The following SPOCK1 variants were observed in gnomAD, a reference collection of about 807,000 sequenced individuals.
The protein encoded by SPOCK1 is testican-1.
A neutral mutation model predicts 55.3 loss-of-function variants in SPOCK1; 23 were observed. The observed-to-expected ratio is 0.42, with a 90% CI of 0.30 to 0.59. The LOEUF is 0.59. Ranked by LOEUF, SPOCK1 falls within the 20% of genes least tolerant of loss-of-function variation. The pLI, the probability that SPOCK1 is intolerant of heterozygous loss-of-function variation, is 0.22. For synonymous variants in SPOCK1, 226 were observed against 221.0 expected (o/e 1.02, Z -0.20); for missense variants, 499 against 552.5 (o/e 0.90, Z 0.97).
intron 2 of SPOCK1, among the ~76,000 whole-genome samples, chr5:137,387,001 AC>A (rs1751612162): frequency 6.6e-6 from 1 of 152,246 alleles, no homozygotes; most frequent in Admixed American, 6.5e-5. Context: ...TAAGTCAAAG[AC>A]CTTAACAGAC....
chr5:136,979,807 A>T (rs998965096), intron 9 of SPOCK1, among the ~76,000 whole-genome samples: 5 of 152,200 alleles, frequency 3.3e-5, no homozygotes, highest in Non-Finnish European at 1.5e-5. Flanking sequence ...CAACTCTAAG[A>T]GATACATACC....
At chr5:137,296,628 T>A (rs1391214354) in intron 2 of SPOCK1, among the ~76,000 whole-genome samples, 1 of 152,174 alleles carries the variant, frequency 6.6e-6, no homozygotes, top group Non-Finnish European at 1.5e-5. Context: ...GCAGGCCTCA[T>A]AAGTAAATAG....
At chr5:137,498,348 A>T in intron 2 of SPOCK1, 25 bp downstream of exon 2, 1 of 1,541,884 alleles carries the variant, frequency 6.5e-7, no homozygotes. Context: ...CGCGCCCCCC[A>T]GGGCCGGGTG....
chr5:137,442,762 T>G lies in SPOCK1; in HGVS notation c.186+55611A>C, dbSNP rs186596326. Among the ~76,000 whole-genome samples, 4 of 152,322 alleles carry G rather than the reference T, an allele frequency of 2.6e-5. No individual in the cohort carries two copies. The East Asian group carries it at 7.7e-4, about 29-fold the overall frequency. On this transcript the variant is annotated intron_variant, in intron 2 of 10. Transcript: ENST00000394945. ...AAACAACAGAAATAATTATAGTAGATCCTCTGTGCCTTGTGCCCAACAGAA... is the reference window on the plus strand; with the variant it reads ...AAACAACAGAAATAATTATAGTAGAGCCTCTGTGCCTTGTGCCCAACAGAA...
At chr5:137,024,317 G>GGC (rs1554093470) in intron 6 of SPOCK1, among the ~76,000 whole-genome samples, 2 of 89,160 alleles carry the variant, frequency 2.2e-5, no homozygotes, top group African/African-American at 6.4e-5. Flanking sequence ...AGTTTGAAGG[G>GGC]GGGGGGGTAG....
intron 2 of SPOCK1, among the ~76,000 whole-genome samples, chr5:137,440,224 G>A (rs369584676): frequency 3.8e-4 from 58 of 152,254 alleles, no homozygotes; most frequent in African/African-American, 1.3e-3. Context: ...TTACATTTAT[G>A]TATTTGTGTA....
At chr5:137,183,459 C>G (rs1192852158) in intron 3 of SPOCK1, among the ~76,000 whole-genome samples, 1 of 152,214 alleles carries the variant, frequency 6.6e-6, no homozygotes, top group African/African-American at 2.4e-5. Context: ...AAGGAAATAA[C>G]AGTGTAAGTG....
intron 6 of SPOCK1, among the ~76,000 whole-genome samples, chr5:137,026,532 G>A (rs1426107481): frequency 6.6e-6 from 1 of 152,220 alleles, no homozygotes. Flanking sequence ...AGCTCACCCT[G>A]CAGATGTTGG....
At chr5:137,250,753 T>C (rs1192094477) in intron 3 of SPOCK1, among the ~76,000 whole-genome samples, 1 of 152,166 alleles carries the variant, frequency 6.6e-6, no homozygotes, top group Non-Finnish European at 1.5e-5. Context: ...AGGCACATCA[T>C]AAGAGGGAGT....
At chr5:137,431,403 A>G (rs1752740251) in intron 2 of SPOCK1, among the ~76,000 whole-genome samples, 1 of 152,244 alleles carries the variant, frequency 6.6e-6, no homozygotes, top group South Asian at 2.1e-4. Context: ...TCCATCTTCC[A>G]TGAAATGAAC....
chr5:137,498,714 C>G, intron 1 of SPOCK1, 156 bp from the exon 2 acceptor site: 1 of 400,604 alleles, frequency 2.5e-6, no homozygotes, highest in Non-Finnish European at 3.7e-6. Context: ...GCCTCTAGAC[C>G]CAGGGACCCC....
At chr5:137,149,330 A>T (rs1373546666) in intron 3 of SPOCK1, among the ~76,000 whole-genome samples, 1 of 152,204 alleles carries the variant, frequency 6.6e-6, no homozygotes, top group Non-Finnish European at 1.5e-5. Context: ...TCCACAGAGA[A>T]GTCTTCACCT....
At chr5:137,011,052 C>T (rs893395635) in intron 6 of SPOCK1, among the ~76,000 whole-genome samples, 16 of 152,136 alleles carry the variant, frequency 1.1e-4, no homozygotes, top group African/African-American at 2.4e-4. Flanking sequence ...AACCATGGAA[C>T]GCTGCTTACA....
At chr5:137,390,328 G>T (rs1343668887) in intron 2 of SPOCK1, among the ~76,000 whole-genome samples, 1 of 152,146 alleles carries the variant, frequency 6.6e-6, no homozygotes, top group Non-Finnish European at 1.5e-5. Context: ...CTAATGCAAT[G>T]ACCCCTGGGA....
intron 2 of SPOCK1, among the ~76,000 whole-genome samples, chr5:137,299,654 A>G (rs556418376): frequency 6.6e-6 from 1 of 152,100 alleles, no homozygotes; most frequent in South Asian, 2.1e-4. Context: ...ATTTTTGCAT[A>G]ATGCAGATTT....
chr5:137,132,020 A>ATATATATATATATATATATATATATATAT (rs1491415264), intron 4 of SPOCK1, among the ~76,000 whole-genome samples: 1 of 84,278 alleles, frequency 1.2e-5, no homozygotes, highest in Non-Finnish European at 2.4e-5. Context: ...ATATATATAT[A>ATATATATATATATATATATATATATATAT]AAAAATTAGC....
At chr5:137,106,659 C>G (rs1753375632) in intron 5 of SPOCK1, among the ~76,000 whole-genome samples, 1 of 152,144 alleles carries the variant, frequency 6.6e-6, no homozygotes, top group African/African-American at 2.4e-5. Context: ...ACACCAGGCC[C>G]AGATGATTCC....
chr5:137,011,015 ATCTGTG>A (rs1751337647), intron 6 of SPOCK1, among the ~76,000 whole-genome samples: 1 of 152,158 alleles, frequency 6.6e-6, no homozygotes, highest in African/African-American at 2.4e-5. Context: ...AATTTAGTTT[ATCTGTG>A]TCTCCACAAG....
chr5:137,023,181 G>A (rs1324463700), intron 6 of SPOCK1, among the ~76,000 whole-genome samples: 2 of 152,076 alleles, frequency 1.3e-5, no homozygotes, highest in Non-Finnish European at 2.9e-5. Context: ...CTATCTTACA[G>A]GGCTTTTAAG....
Sources: allele counts gnomAD v4.1 joint callset (sites outside exome capture counted in the v4.1 genomes callset), GRCh38; gene constraint gnomAD v4.1.1; transcripts MANE v1.5; gene names NCBI Gene and HGNC (gene_info 2026-07-23, HGNC 2026-07-21).